The following CCDC77 variants were observed in gnomAD, a reference collection of about 807,000 sequenced individuals.
CCDC77 encodes the protein coiled-coil domain-containing protein 77.
Under a neutral mutation model 66.8 loss-of-function variants are expected in CCDC77, and 56 were observed. The ratio of observed to expected loss-of-function variants is 0.84; its 90% CI spans 0.68 to 1.05. The LOEUF (loss-of-function observed/expected upper bound fraction) is 1.05. Among genes scored for constraint, CCDC77 ranks in the 50% least tolerant of loss-of-function variants. CCDC77 has a pLI of 0.00. For synonymous variants in CCDC77, 196 were observed against 195.2 expected, an observed-to-expected ratio of 1.00 and a Z score of -0.03; for missense variants, 570 against 576.8, an observed-to-expected ratio of 0.99 and a Z score of 0.12.
At chr12:405,884 A>G (rs1163673954) in intron 2 of CCDC77, among the ~76,000 whole-genome samples, 1 of 151,618 alleles carries the variant, frequency 6.6e-6, no homozygotes, top group African/African-American at 2.4e-5. Flanking sequence ...GGAGAGACAG[A>G]CATTAAATAT....
At chr12:396,631 G>C (rs1466646827) in intron 1 of CCDC77, among the ~76,000 whole-genome samples, 1 of 152,178 alleles carries the variant, frequency 6.6e-6, no homozygotes, top group Admixed American at 6.5e-5. Flanking sequence ...CAATTAGGGA[G>C]ATAAGTCAAG....
chr12:412,370 C>T (rs1056075367), intron 4 of CCDC77, among the ~76,000 whole-genome samples: 10 of 152,182 alleles, frequency 6.6e-5, no homozygotes, highest in African/African-American at 2.2e-4. Flanking sequence ...TGCAAATGAC[C>T]CCTTGCTCAA....
chr12:391,316 G>C (rs1405602250), intron 1 of CCDC77, among the ~76,000 whole-genome samples: 1 of 152,116 alleles, frequency 6.6e-6, no homozygotes, highest in African/African-American at 2.4e-5. Flanking sequence ...TAGCCCAGGC[G>C]TGGTGGCAGG....
intron 4 of CCDC77, among the ~76,000 whole-genome samples, chr12:416,296 G>A (rs1329922046): frequency 7.2e-6 from 1 of 138,794 alleles, no homozygotes; most frequent in African/African-American, 2.6e-5. Context: ...GTTGAGTAGT[G>A]TTAAGTGTTT....
rs1049916849 is a variant in CCDC77, at chr12:415,291, A to G, written c.271-3203A>G. On this transcript the variant is annotated intron_variant, in intron 4 of 12. Coordinates refer to ENST00000239830, the MANE Select transcript of CCDC77 (RefSeq NM_032358.4). ...ATAATTATTAACATAATATTATGTT[A>G]ATATAATCAACATAATATTATGTTA... is the stretch of plus-strand genomic sequence containing the variant. Among the ~76,000 whole-genome samples the G allele has an allele frequency of 7.2e-5, 10 of 139,670 alleles. 1 individual carries two copies. Among genetic ancestry groups the G allele is most frequent in the East Asian group, 4.1e-4 (2 of 4,916 alleles). The allele number at this position is 139,670 out of a possible 152,430, so 91.6% of individuals were successfully genotyped here.
intron 4 of CCDC77, among the ~76,000 whole-genome samples, chr12:416,367 G>A (rs1354004106): frequency 0.057 from 1,719 of 29,928 alleles, 159 homozygotes; most frequent in South Asian, 0.22. Flanking sequence ...GTGTGTGTGT[G>A]TGTGTGTGTG....
chr12:413,775 A>C (rs538900728), intron 4 of CCDC77, among the ~76,000 whole-genome samples: 2 of 150,150 alleles, frequency 1.3e-5, no homozygotes, highest in South Asian at 2.1e-4. Flanking sequence ...TTACAGGTGC[A>C]CGCCACCACA....
intron 5 of CCDC77, among the ~76,000 whole-genome samples, chr12:427,745 T>C (rs995982503): frequency 1.4e-3 from 215 of 152,176 alleles, no homozygotes; most frequent in Non-Finnish European, 3.4e-4. Flanking sequence ...AGTGCCGGGA[T>C]TACAGGCATG....
chr12:399,244 T>A (rs915265098), upstream of CCDC77, among the ~76,000 whole-genome samples: 5 of 152,156 alleles, frequency 3.3e-5, no homozygotes, highest in African/African-American at 1.2e-4. Context: ...CGATCTCAGT[T>A]CACTGAAACC....
chr12:415,666 C>T (rs1945241234), intron 4 of CCDC77, among the ~76,000 whole-genome samples: 1 of 151,410 alleles, frequency 6.6e-6, no homozygotes, highest in African/African-American at 2.4e-5. Context: ...AGGGTCTTGC[C>T]CTGTTGCCCA....
chr12:416,419 C>CT (rs57980606), intron 4 of CCDC77, among the ~76,000 whole-genome samples: 1,285 of 55,160 alleles, frequency 0.023, 68 homozygotes, highest in East Asian at 0.04. Context: ...ATATATATTT[C>CT]TTTTTTTTTT....
intron 1 of CCDC77, among the ~76,000 whole-genome samples, chr12:392,421 T>G (rs931566605): frequency 6.6e-6 from 1 of 152,150 alleles, no homozygotes; most frequent in Admixed American, 6.6e-5. Context: ...ATTCTCAAAC[T>G]GTTTTGGTGT....
At chr12:417,257 A>G (rs1189692900) in intron 4 of CCDC77, among the ~76,000 whole-genome samples, 1 of 151,984 alleles carries the variant, frequency 6.6e-6, no homozygotes, top group African/African-American at 2.4e-5. Context: ...GTGTTGTAGC[A>G]TGTGATGAGA....
rs1191669170 is a variant in CCDC77, at chr12:439,290, C to T, written c.1041+736C>T. Among the ~76,000 whole-genome samples the T allele has an allele frequency of 7.2e-5, 11 of 151,900 alleles. No homozygotes were observed. The East Asian group carries it at 9.7e-4, about 13-fold the overall frequency. On this transcript the variant is annotated intron_variant, in intron 10 of 12. Transcript: ENST00000239830. ...ATCCCAGCACTTTGGGAGGCCAAGGCGGGTGGATCACCTGAGGTCAGGAGT... is the reference window on the plus strand; with the variant it reads ...ATCCCAGCACTTTGGGAGGCCAAGGTGGGTGGATCACCTGAGGTCAGGAGT...
chr12:418,050 G>A (rs143615510), intron 4 of CCDC77, among the ~76,000 whole-genome samples: 2,118 of 152,310 alleles, frequency 0.014, 48 homozygotes, highest in African/African-American at 0.048. Context: ...TGGGCATGGT[G>A]GCTCGTGCCT....
intron 9 of CCDC77, among the ~76,000 whole-genome samples, chr12:434,252 C>G (rs1049581187): frequency 6.6e-6 from 1 of 152,060 alleles, no homozygotes; most frequent in Non-Finnish European, 1.5e-5. Context: ...AACCTGCTTA[C>G]CTTTCTTTAC....
chr12:424,974 A>G (rs1039901381), intron 5 of CCDC77, among the ~76,000 whole-genome samples: 2 of 147,016 alleles, frequency 1.4e-5, no homozygotes, highest in Non-Finnish European at 3.0e-5. Flanking sequence ...TCTGTCACCC[A>G]GGCTGGAATG....
chr12:433,358 G>A (rs1565576476), intron 9 of CCDC77, 36 bp downstream of exon 9: 2 of 1,603,750 alleles, frequency 1.2e-6, no homozygotes, highest in Non-Finnish European at 8.5e-7. Context: ...AACGGGTATT[G>A]TATTTTTCTG....
intron 1 of CCDC77, among the ~76,000 whole-genome samples, chr12:396,530 G>T (rs1395633883): frequency 6.6e-6 from 1 of 152,228 alleles, no homozygotes; most frequent in African/African-American, 2.4e-5. Flanking sequence ...TGCCATTTAT[G>T]TAAGGGACTT....
Sources: gnomAD v4.1 joint callset for allele counts (sites outside exome capture counted in the v4.1 genomes callset) on GRCh38, gnomAD v4.1.1 for gene constraint, MANE v1.5 for transcripts, NCBI Gene and HGNC (gene_info 2026-07-23, HGNC 2026-07-21) for gene names.